SLC35G1: variants seen among roughly 807,000 people sequenced by gnomAD.
SLC35G1 encodes solute carrier family 35 member G1, also known as partner of STIM1.
In SLC35G1, 10 loss-of-function variants were observed where a neutral mutation model predicts 17.1. The observed-to-expected ratio is 0.59, with a 90% CI of 0.36 to 0.99. The LOEUF (loss-of-function observed/expected upper bound fraction) is 0.99. Ranked by LOEUF, SLC35G1 falls within the 50% of genes least tolerant of loss-of-function variation. The pLI is 0.01. For synonymous variants in SLC35G1, 185 were observed against 181.1 expected, an observed-to-expected ratio of 1.02 and a Z score of -0.18; for missense variants, 433 against 468.4, an observed-to-expected ratio of 0.92 and a Z score of 0.70.
intron 2 of SLC35G1, among the ~76,000 whole-genome samples, chr10:93,899,813 C>T (rs942264836): frequency 2.6e-5 from 4 of 152,154 alleles, no homozygotes; most frequent in South Asian, 2.1e-4. Context: ...TAATCATCTC[C>T]CCCATTTTGA....
intron 2 of SLC35G1, among the ~76,000 whole-genome samples, 157 bp downstream of exon 2, chr10:93,898,908 A>C (rs2060356345): frequency 6.6e-6 from 1 of 152,156 alleles, no homozygotes. Context: ...GCATCTACCC[A>C]CAGAAGATTC....
Position 93,903,310 on chromosome 10 carries a change from A to G in SLC35G1, c.*1820A>G, listed in dbSNP as rs1274096031. ...ATAATTACAGAATCAGGAGCATTTGAGAACTCTAGAGGTCTCAGAAATCAT... is the reference window on the plus strand; with the variant it reads ...ATAATTACAGAATCAGGAGCATTTGGGAACTCTAGAGGTCTCAGAAATCAT... On this transcript the variant is annotated 3_prime_UTR_variant, in exon 3 of 3. Coordinates refer to ENST00000427197, the MANE Select transcript of SLC35G1 (RefSeq NM_001134658.3). 2 of 152,206 alleles carry G rather than the reference A, an allele frequency of 1.3e-5. No homozygotes were observed. Among genetic ancestry groups the G allele is most frequent in the Non-Finnish European group, 2.9e-5 (2 of 68,038 alleles). 9.4% of individuals were successfully genotyped at this position (152,206 alleles called of 1,614,324 possible). A position where few individuals can be genotyped will look rare whatever the true frequency, so the allele number is the denominator to read the frequency against.
At chr10:93,908,196 T>C (rs1207534877), downstream of SLC35G1, 1 of 152,224 alleles carries the variant, frequency 6.6e-6, no homozygotes, top group Non-Finnish European at 1.5e-5. Context: ...AATTTTTACT[T>C]GGAAAGGACA....
intron 2 of SLC35G1, among the ~76,000 whole-genome samples, chr10:93,900,179 A>G (rs922158692): frequency 2.0e-5 from 3 of 152,224 alleles, no homozygotes; most frequent in Admixed American, 6.5e-5. Context: ...CATGAGAACA[A>G]TGAAAACTTG....
chr10:93,901,668 T>C lies in SLC35G1; in HGVS notation c.*178T>C. 1.4e-6 allele frequency: 1 copy of C among 694,046 alleles called. No homozygotes were observed. The highest frequency in any genetic ancestry group is 2.0e-6 in the Non-Finnish European group (1 of 490,294). 43.0% of individuals were successfully genotyped at this position (694,046 alleles called of 1,614,324 possible). A position where few individuals can be genotyped will look rare whatever the true frequency, so the allele number is the denominator to read the frequency against. The stretch of plus-strand genomic sequence containing the variant: ...TTAAGAATAGCTAGTCTGTTTGGTG[T>C]AACAATTTTTTGGTAGCTTTGGTTT... On this transcript the variant is annotated 3_prime_UTR_variant, in exon 3 of 3. Transcript: ENST00000427197.
chr10:93,896,064 C>T (rs2060326882), intron 1 of SLC35G1, among the ~76,000 whole-genome samples: 1 of 151,414 alleles, frequency 6.6e-6, no homozygotes, highest in Non-Finnish European at 1.5e-5. Flanking sequence ...GATCACAGCT[C>T]ACGGCGACCT....
chr10:93,900,643 C>T (rs915290835), intron 2 of SLC35G1, 109 bp from the exon 3 acceptor site: 25 of 833,606 alleles, frequency 3.0e-5, no homozygotes, highest in South Asian at 1.3e-4. Flanking sequence ...TTTACTATTC[C>T]CTCATTTTTT....
In SLC35G1 at chr10:93,901,702, GT is replaced by G; in HGVS notation, c.*220del. ...TTTGGTAGCTTTGGTTTTGGTTTTG[GT>G]TTTTTTTGTTGTTGTTGTTGGGGTC... is the stretch of plus-strand genomic sequence containing the variant. On this transcript the variant is annotated 3_prime_UTR_variant, in exon 3 of 3. Coordinates refer to ENST00000427197, the MANE Select transcript of SLC35G1 (RefSeq NM_001134658.3). 12 of 435,376 alleles carry G rather than the reference GT, an allele frequency of 2.8e-5. No homozygotes were observed. Among genetic ancestry groups the G allele is most frequent in the Non-Finnish European group, 4.0e-5 (11 of 275,648 alleles). The allele number at this position is 435,376 out of a possible 1,614,324, so 27.0% of individuals were successfully genotyped here.
chr10:93,899,479 A>G (rs558908452), intron 2 of SLC35G1, among the ~76,000 whole-genome samples: 30 of 152,158 alleles, frequency 2.0e-4, no homozygotes, highest in African/African-American at 5.1e-4. Context: ...TGTAACCTCC[A>G]TATACCTCAG....
rs747551379 is a variant in SLC35G1 at position 93,898,758 on chromosome 10, ATTT to A, written c.359+11_359+13del. 2 of 1,592,934 alleles carry A rather than the reference ATTT, an allele frequency of 1.3e-6. No individual in the cohort carries two copies. Among genetic ancestry groups the A allele is most frequent in the African/African-American group, 1.4e-5 (1 of 73,180 alleles). The stretch of plus-strand genomic sequence containing the variant: ...CTTGCTTAATATACAGAAAGTAAGT[ATTT>A]TTTAACTGCAAAGTAGAAGATATTA... On this transcript the variant is annotated splice_region_variant and intron_variant, in intron 2 of 2. Transcript: ENST00000427197.
At chr10:93,909,610 G>T (rs1313408261) in exon 3 of SLC35G1, 3 of 151,916 alleles carry the variant, frequency 2.0e-5, no homozygotes, top group Non-Finnish European at 4.4e-5. Context: ...AAGAAACATG[G>T]CCCAATGAGT....
At chr10:93,905,912 A>C (rs1053825251), downstream of SLC35G1, among the ~76,000 whole-genome samples, 1 of 152,156 alleles carries the variant, frequency 6.6e-6, no homozygotes, top group Non-Finnish European at 1.5e-5. Context: ...GTGCAGCATG[A>C]AAGTACCATG....
chr10:93,903,967 G>T (rs1282173067), downstream of SLC35G1: 1 of 151,818 alleles, frequency 6.6e-6, no homozygotes, highest in South Asian at 2.1e-4. Context: ...TGACCCACTT[G>T]TACTATCAAG....
At position 93,898,763 on chromosome 10, in the gene SLC35G1, T is replaced by A. The variant is rs771855502; in HGVS notation, c.359+12T>A. 1.6e-5 allele frequency: 25 copies of A among 1,592,226 alleles called. No individual in the cohort carries two copies. The East Asian group carries it at 5.6e-4, about 36-fold the overall frequency. On this transcript the variant is annotated intron_variant, in intron 2 of 2. Coordinates refer to ENST00000427197, the MANE Select transcript of SLC35G1 (RefSeq NM_001134658.3). ...TTAATATACAGAAAGTAAGTATTTT[T>A]TAACTGCAAAGTAGAAGATATTAAT... is the stretch of plus-strand genomic sequence containing the variant.
At chr10:93,907,693 T>C (rs1379165216), downstream of SLC35G1, 1 of 152,164 alleles carries the variant, frequency 6.6e-6, no homozygotes, top group East Asian at 1.9e-4. Context: ...ACTGTTAACA[T>C]TGGTTGCCTT....
rs10882363 is a variant in SLC35G1, at chr10:93,902,639, T to C, written c.*1149T>C. 0.47 allele frequency: 71,697 copies of C among 152,444 alleles called. 17,520 individuals are homozygous for C. Among genetic ancestry groups the C allele is most frequent in the East Asian group, 0.85 (4,389 of 5,188 alleles). 9.4% of individuals were successfully genotyped at this position (152,444 alleles called of 1,614,324 possible). A position where few individuals can be genotyped will look rare whatever the true frequency, so the allele number is the denominator to read the frequency against. ...ATAGTTATGAAATTATGTGTAATAA[T>C]GCTTTATGTTATACATTAAATGTAA... On this transcript the variant is annotated 3_prime_UTR_variant, in exon 3 of 3. Transcript: ENST00000427197.
downstream of SLC35G1, among the ~76,000 whole-genome samples, chr10:93,905,095 A>G (rs1346371404): frequency 1.3e-5 from 2 of 152,020 alleles, no homozygotes; most frequent in Non-Finnish European, 2.9e-5. Flanking sequence ...CTGATCTTAT[A>G]TGGGTATTAT....
downstream of SLC35G1, among the ~76,000 whole-genome samples, chr10:93,906,933 C>A (rs1395432324): frequency 6.6e-6 from 1 of 152,096 alleles, no homozygotes; most frequent in Non-Finnish European, 1.5e-5. Context: ...CATGAAATTG[C>A]AACAGCTTGA....
At chr10:93,907,844 A>G (rs2060437952), downstream of SLC35G1, 1 of 152,040 alleles carries the variant, frequency 6.6e-6, no homozygotes. Context: ...TGGAACAAAA[A>G]TAAAAAGGTG....
Sources: gnomAD v4.1 joint callset for allele counts (sites outside exome capture counted in the v4.1 genomes callset) on GRCh38, gnomAD v4.1.1 for gene constraint, MANE v1.5 for transcripts, NCBI Gene and HGNC (gene_info 2026-07-23, HGNC 2026-07-21) for gene names.